The following EXOC2 variants were observed in gnomAD, a reference collection of about 807,000 sequenced individuals.
The protein encoded by EXOC2 is SEC5-like 1.
Under a neutral mutation model 131.8 loss-of-function variants are expected in EXOC2, and 70 were observed. The ratio of observed to expected loss-of-function variants is 0.53; its 90% CI spans 0.44 to 0.65. The LOEUF is 0.65. EXOC2 is among the 30% of genes least tolerant of loss of function. The pLI, the probability that EXOC2 is intolerant of heterozygous loss-of-function variation, is 0.00. For synonymous variants in EXOC2, 411 were observed against 398.4 expected (o/e 1.03, Z -0.38); for missense variants, 923 against 1,108.6 (o/e 0.83, Z 2.38).
intron 23 of EXOC2, among the ~76,000 whole-genome samples, chr6:509,746 G>A (rs1764745219): frequency 6.6e-6 from 1 of 152,162 alleles, no homozygotes; most frequent in African/African-American, 2.4e-5. Flanking sequence ...AGCATTTCCT[G>A]TTGTAATTGG....
chr6:514,843 G>A (rs543436597), intron 23 of EXOC2, among the ~76,000 whole-genome samples: 1 of 152,324 alleles, frequency 6.6e-6, no homozygotes, highest in African/African-American at 2.4e-5. Flanking sequence ...AGGGGAGGAG[G>A]GCGGAGTCGG....
At chr6:614,239 A>C (rs890963296) in intron 6 of EXOC2, among the ~76,000 whole-genome samples, 3 of 152,080 alleles carry the variant, frequency 2.0e-5, no homozygotes, top group Non-Finnish European at 4.4e-5. Context: ...GGGTCACTCA[A>C]TATCAGCCTG....
chr6:537,828 A>G (rs575051433), intron 22 of EXOC2, among the ~76,000 whole-genome samples: 4 of 152,374 alleles, frequency 2.6e-5, no homozygotes, highest in African/African-American at 9.6e-5. Context: ...AGCCAGATAC[A>G]AAAGACAACA....
chr6:532,405 TCAAG>T (rs1766143130), intron 23 of EXOC2, 60 bp downstream of exon 23: 1 of 1,371,060 alleles, frequency 7.3e-7, no homozygotes, highest in East Asian at 2.6e-5. Flanking sequence ...TGAAAAGAAT[TCAAG>T]CAAGTATCAA....
chr6:656,676 G>A (rs777501937), intron 1 of EXOC2: 2 of 1,606,252 alleles, frequency 1.2e-6, no homozygotes, highest in African/African-American at 2.7e-5. Flanking sequence ...GCTTCTCGCC[G>A]CCCGGGACAG....
chr6:566,574 A>G (rs897881649), intron 13 of EXOC2, among the ~76,000 whole-genome samples: 2 of 152,234 alleles, frequency 1.3e-5, no homozygotes, highest in Non-Finnish European at 2.9e-5. Flanking sequence ...GAAGACCAGA[A>G]TCAGAACGTG....
chr6:626,629 T>C (rs1184438177), intron 4 of EXOC2, among the ~76,000 whole-genome samples: 1 of 152,088 alleles, frequency 6.6e-6, no homozygotes, highest in Admixed American at 6.5e-5. Context: ...TCTCACTCTG[T>C]CACCCAGGTT....
At chr6:637,393 G>A (rs964187537) in intron 2 of EXOC2, among the ~76,000 whole-genome samples, 4 of 152,132 alleles carry the variant, frequency 2.6e-5, no homozygotes, top group South Asian at 2.1e-4. Flanking sequence ...ACTAATGAGA[G>A]CAAAACTATA....
chr6:581,977 G>A (rs1758929610), intron 11 of EXOC2, among the ~76,000 whole-genome samples: 1 of 152,034 alleles, frequency 6.6e-6, no homozygotes, highest in South Asian at 2.1e-4. Flanking sequence ...AAAAACAGTT[G>A]GAAAATTTGT....
intron 18 of EXOC2, 110 bp downstream of exon 18, chr6:556,374 G>A (rs905923813): frequency 2.7e-6 from 3 of 1,096,300 alleles, no homozygotes; most frequent in African/African-American, 3.1e-5. Flanking sequence ...AATGGAACAA[G>A]CAGGCGAAGA....
chr6:620,731 T>C (rs1179599785), intron 4 of EXOC2, among the ~76,000 whole-genome samples: 1 of 152,120 alleles, frequency 6.6e-6, no homozygotes, highest in Non-Finnish European at 1.5e-5. Context: ...CACCCAAAGG[T>C]AACATTTTTT....
chr6:607,689 T>C (rs1395199805), intron 7 of EXOC2, among the ~76,000 whole-genome samples: 2 of 152,270 alleles, frequency 1.3e-5, no homozygotes, highest in African/African-American at 2.4e-5. Context: ...AGAAATTCTA[T>C]TGAACAATGC....
chr6:634,390 T>G (rs182076816), intron 2 of EXOC2, among the ~76,000 whole-genome samples: 1 of 152,150 alleles, frequency 6.6e-6, no homozygotes, highest in Non-Finnish European at 1.5e-5. Flanking sequence ...CGGCAGACAC[T>G]TCACACTTTT....
At chr6:558,068 CAA>C (rs1757519098) in intron 17 of EXOC2, among the ~76,000 whole-genome samples, 1 of 152,064 alleles carries the variant, frequency 6.6e-6, no homozygotes, top group Admixed American at 6.5e-5. Flanking sequence ...CAGTTGTGTG[CAA>C]AACACTGGGA....
At chr6:527,947 A>G (rs1765844156) in intron 23 of EXOC2, among the ~76,000 whole-genome samples, 1 of 152,222 alleles carries the variant, frequency 6.6e-6, no homozygotes, top group Admixed American at 6.5e-5. Flanking sequence ...GTGAACTTCA[A>G]TGTGTATTTG....
chr6:592,541 T>C lies in EXOC2; in HGVS notation c.1120A>G (p.Ile374Val). The C allele has an allele frequency of 6.2e-7, 1 of 1,614,030 alleles. No homozygotes were observed. Among genetic ancestry groups the C allele is most frequent in the Non-Finnish European group, 8.5e-7 (1 of 1,179,992 alleles). ...HASGDPAWQC[I>V]GAQHKWILQL... Reference sequence around the variant, plus strand: ...AGGATCCACTTGTGTTGGGCTCCAATGCATTGCCAAGCAGGGTCACCAGAC... The same window carrying C: ...AGGATCCACTTGTGTTGGGCTCCAACGCATTGCCAAGCAGGGTCACCAGAC... Residue 374 changes from isoleucine (I) to valine (V), a missense_variant, in exon 11 of 28, where the codon ATT becomes GTT. Coordinates refer to ENST00000230449, the MANE Select transcript of EXOC2 (RefSeq NM_018303.6).
At position 575,404 on chromosome 6, in the gene EXOC2, T is replaced by TC. The variant is rs1758519134; in HGVS notation, c.1318+1352dup. Among the ~76,000 whole-genome samples, 3 of 151,826 alleles carry TC rather than the reference T, an allele frequency of 2.0e-5. No individual in the cohort carries two copies. In the South Asian group the frequency reaches 6.3e-4, roughly 32 times the overall value. ...CACCAGCAGTGAGCTGCACCTTTTT[T>TC]CCCTAAATGGGAAATGGGTTAAAAG... On this transcript the variant is annotated intron_variant, in intron 12 of 27. Coordinates refer to ENST00000230449, the MANE Select transcript of EXOC2 (RefSeq NM_018303.6).
Position 591,443 on chromosome 6 carries a change from G to C in EXOC2, c.1192+1026C>G, listed in dbSNP as rs182537818. Among the ~76,000 whole-genome samples, 27 of 152,018 alleles carry C rather than the reference G, an allele frequency of 1.8e-4. No individual in the cohort carries two copies. In the East Asian group the frequency reaches 2.5e-3, roughly 14 times the overall value. ...TAACCTGTGCACATTCTCCCTTCCT[G>C]GAAGTCTTAAATGCTTTCCTTCTCT... On this transcript the variant is annotated intron_variant, in intron 11 of 27. Coordinates refer to ENST00000230449, the MANE Select transcript of EXOC2 (RefSeq NM_018303.6).
intron 11 of EXOC2, among the ~76,000 whole-genome samples, chr6:578,640 A>G (rs373251379): frequency 4.1e-4 from 63 of 152,360 alleles, no homozygotes; most frequent in African/African-American, 1.5e-3. Flanking sequence ...TTAGTGCAAC[A>G]GAAGTTTTTT....
Sources: gnomAD v4.1 joint callset for allele counts (sites outside exome capture counted in the v4.1 genomes callset) on GRCh38, gnomAD v4.1.1 for gene constraint, MANE v1.5 for transcripts, NCBI Gene and HGNC (gene_info 2026-07-23, HGNC 2026-07-21) for gene names.